The following ALG9 variants were observed in gnomAD, a reference collection of about 807,000 sequenced individuals.
ALG9 encodes the protein ALG9 alpha-1,2-mannosyltransferase.
A neutral mutation model predicts 81.8 loss-of-function variants in ALG9; 55 were observed. The observed-to-expected ratio is 0.67, with a 90% CI of 0.54 to 0.84. The LOEUF (loss-of-function observed/expected upper bound fraction) is 0.84. Among genes scored for constraint, ALG9 ranks in the 40% least tolerant of loss-of-function variants. The probability of loss-of-function intolerance (pLI) is 0.00; values close to 1 mark genes in which losing one functional copy is unlikely to be tolerated. For synonymous variants in ALG9, 278 were observed against 274.3 expected (o/e 1.01, Z -0.13); for missense variants, 629 against 745.0 (o/e 0.84, Z 1.81).
rs1964299424 is a variant in ALG9, at chr11:111,871,580, A to G, written c.-98T>C. The stretch of plus-strand genomic sequence containing the variant: ...AACGGTGTCCGCCGAGGGACAAAAG[A>G]CCTTGACATGCGCAGAAAATACTAA... On this transcript the variant is annotated 5_prime_UTR_variant, in exon 1 of 15. Coordinates refer to ENST00000616540, the MANE Select transcript of ALG9 (RefSeq NM_024740.2). The G allele has an allele frequency of 1.3e-6, 2 of 1,531,260 alleles. No homozygotes were observed. The highest frequency in any genetic ancestry group is 2.5e-5 in the East Asian group (1 of 40,668). 94.9% of individuals were successfully genotyped at this position (1,531,260 alleles called of 1,614,324 possible). A position where few individuals can be genotyped will look rare whatever the true frequency, so the allele number is the denominator to read the frequency against.
chr11:111,851,267 T>G (rs1284092559), intron 8 of ALG9, among the ~76,000 whole-genome samples: 5 of 152,096 alleles, frequency 3.3e-5, no homozygotes, highest in African/African-American at 1.2e-4. Flanking sequence ...TTACCTGAGG[T>G]CAGGAGTTGG....
Position 111,836,299 on chromosome 11 carries a change from C to G in ALG9, c.1473-5G>C, listed in dbSNP as rs548268879. The G allele has an allele frequency of 4.3e-6, 7 of 1,613,880 alleles. No homozygotes were observed. The South Asian group carries it at 7.7e-5, about 18-fold the overall frequency. On this transcript the variant is annotated splice_polypyrimidine_tract_variant and splice_region_variant and intron_variant, in intron 12 of 14. Coordinates refer to ENST00000616540, the MANE Select transcript of ALG9 (RefSeq NM_024740.2). ...GGAATGAACTGAAGCTGCCAACTGT[C>G]AGAAACACAAGGAGAATAAGAAAAA...
rs914621075 is a variant in ALG9, at chr11:111,871,527, G to A, written c.-45C>T. The A allele has an allele frequency of 3.3e-6, 5 of 1,535,058 alleles. No individual in the cohort carries two copies. Among genetic ancestry groups the A allele is most frequent in the Non-Finnish European group, 4.4e-6 (5 of 1,146,160 alleles). On this transcript the variant is annotated 5_prime_UTR_variant, in exon 1 of 15. Transcript: ENST00000616540. ...GAATTCGGCACCCTATGAAGTCGGT[G>A]AGCGCGCAGACATAGCTTTGGCTGG...
At chr11:111,811,055 A>G (rs1019634519) in intron 13 of ALG9, among the ~76,000 whole-genome samples, 22 of 152,230 alleles carry the variant, frequency 1.4e-4, no homozygotes, top group African/African-American at 4.6e-4. Context: ...TAATGGTCCA[A>G]AAGACTCTAC....
intron 5 of ALG9, among the ~76,000 whole-genome samples, chr11:111,859,543 G>C (rs1959267743): frequency 1.3e-5 from 2 of 151,686 alleles, no homozygotes; most frequent in Non-Finnish European, 2.9e-5. Context: ...AAAAGTAGTA[G>C]GAAAGCAACT....
At chr11:111,847,204 G>A (rs1255264974) in intron 8 of ALG9, among the ~76,000 whole-genome samples, 1 of 151,332 alleles carries the variant, frequency 6.6e-6, no homozygotes, top group Non-Finnish European at 1.5e-5. Context: ...ATTAACAAAA[G>A]AGCAAAGGCT....
the ALG9 span, among the ~76,000 whole-genome samples, chr11:111,775,358 C>G: frequency 6.6e-6 from 1 of 152,126 alleles, no homozygotes; most frequent in South Asian, 2.1e-4. Flanking sequence ...CCCCTGGACA[C>G]GAAAGTCACA....
In ALG9 at chr11:111,785,706, T is replaced by C. The variant is rs568624560; in HGVS notation, c.*691A>G. ...ACTGAACAAAAAAGCAATACAACCT[T>C]ATAGTTACAGTTGGTTGTAAAGGAA... On this transcript the variant is annotated 3_prime_UTR_variant, in exon 15 of 15. Transcript: ENST00000616540. The C allele has an allele frequency of 2.0e-4, 46 of 226,226 alleles. 1 individual carries two copies. In the South Asian group the frequency reaches 2.1e-3, roughly 11 times the overall value. The allele number at this position is 226,226 out of a possible 1,614,324, so 14.0% of individuals were successfully genotyped here.
At chr11:111,870,519 G>T in intron 1 of ALG9, 149 bp from the exon 2 acceptor site, 1 of 1,124,672 alleles carries the variant, frequency 8.9e-7, no homozygotes, top group Non-Finnish European at 1.2e-6. Flanking sequence ...ATAGCTAGTT[G>T]TTTTTTCTCA....
At chr11:111,845,842 A>T (rs1956865995) in intron 8 of ALG9, among the ~76,000 whole-genome samples, 1 of 152,222 alleles carries the variant, frequency 6.6e-6, no homozygotes, top group Admixed American at 6.5e-5. Context: ...GCAAAATAAG[A>T]TTAGAAACCA....
chr11:111,781,352 C>T (rs1555056852), downstream of ALG9, among the ~76,000 whole-genome samples: 1 of 152,120 alleles, frequency 6.6e-6, no homozygotes, highest in Admixed American at 6.5e-5. Flanking sequence ...GCCTGTAGTC[C>T]TAGCTACTTA....
At position 111,785,012 on chromosome 11, in the gene ALG9, T is replaced by A. The variant is rs1423662144; in HGVS notation, c.*1385A>T. 6.6e-6 allele frequency: 1 copy of A among 152,650 alleles called. No individual in the cohort carries two copies. Among genetic ancestry groups the A allele is most frequent in the Non-Finnish European group, 1.5e-5 (1 of 68,040 alleles). 9.5% of individuals were successfully genotyped at this position (152,650 alleles called of 1,614,324 possible). A position where few individuals can be genotyped will look rare whatever the true frequency, so the allele number is the denominator to read the frequency against. ...ACTCAAATACAGACACAATTCTTCC[T>A]TAAAATAGAAAGTTACAATATCAGT... On this transcript the variant is annotated 3_prime_UTR_variant, in exon 15 of 15. Transcript: ENST00000616540.
intron 13 of ALG9, among the ~76,000 whole-genome samples, chr11:111,814,962 T>G (rs1241958667): frequency 6.6e-6 from 1 of 152,188 alleles, no homozygotes; most frequent in Admixed American, 6.5e-5. Context: ...TATGCTTAGA[T>G]TTCTTTTGGT....
intron 6 of ALG9, among the ~76,000 whole-genome samples, chr11:111,854,394 A>C (rs1958340159): frequency 6.7e-6 from 1 of 150,298 alleles, no homozygotes; most frequent in Non-Finnish European, 1.5e-5. Flanking sequence ...TAAGCCTCCC[A>C]AGTAACTGGG....
downstream of ALG9, among the ~76,000 whole-genome samples, chr11:111,779,264 T>G (rs73568438): frequency 0.011 from 1,676 of 152,216 alleles, 37 homozygotes; most frequent in African/African-American, 0.039. Context: ...CCCTTCTCAT[T>G]TGGCAACTTG....
intron 4 of ALG9, chr11:111,864,331 A>T (rs1961525652): frequency 2.5e-6 from 2 of 807,158 alleles, no homozygotes; most frequent in Admixed American, 1.7e-5. Context: ...TCAACTGCAT[A>T]AAAGTTTCCC....
At chr11:111,859,098 T>G (rs1239640139) in intron 5 of ALG9, among the ~76,000 whole-genome samples, 1 of 152,028 alleles carries the variant, frequency 6.6e-6, no homozygotes, top group Non-Finnish European at 1.5e-5. Flanking sequence ...CCTAGCTACT[T>G]GGGAGGCTGT....
Position 111,809,539 on chromosome 11 carries a change from C to CACACGA in ALG9, c.1733+103_1733+104insTCGTGT. The CACACGA allele has an allele frequency of 2.9e-6, 4 of 1,378,984 alleles. No individual in the cohort carries two copies. The South Asian group carries it at 4.7e-5, about 16-fold the overall frequency. The allele number at this position is 1,378,984 out of a possible 1,614,324, so 85.4% of individuals were successfully genotyped here. A position where few individuals can be genotyped will look rare whatever the true frequency, so the allele number is the denominator to read the frequency against. On this transcript the variant is annotated intron_variant, in intron 14 of 14. Transcript: ENST00000616540. ...CATTACACACACACACACACACACA[C>CACACGA]GATGGCTACTAGAGTCAACCCAGGA...
At chr11:111,798,347 T>C (rs1249421562) in intron 14 of ALG9, among the ~76,000 whole-genome samples, 2 of 152,216 alleles carry the variant, frequency 1.3e-5, no homozygotes, top group East Asian at 3.8e-4. Flanking sequence ...GCCTCCCAAC[T>C]TGTTTCCGAA....
Sources: allele counts gnomAD v4.1 joint callset (sites outside exome capture counted in the v4.1 genomes callset), GRCh38; gene constraint gnomAD v4.1.1; transcripts MANE v1.5; gene names NCBI Gene and HGNC (gene_info 2026-07-23, HGNC 2026-07-21).